SEC16B: variants seen among roughly 807,000 people sequenced by gnomAD.
The protein encoded by SEC16B is protein transport protein Sec16B.
A neutral mutation model predicts 141.8 loss-of-function variants in SEC16B; 115 were observed. That is an observed-to-expected ratio of 0.81 (90% confidence interval 0.70 to 0.95). SEC16B has a LOEUF of 0.95. Ranked by LOEUF, SEC16B falls within the 40% of genes least tolerant of loss-of-function variation. The pLI, the probability that SEC16B is intolerant of heterozygous loss-of-function variation, is 0.00. For synonymous variants in SEC16B, 493 were observed against 492.5 expected, an observed-to-expected ratio of 1.00 and a Z score of -0.01; for missense variants, 1,291 against 1,312.3, an observed-to-expected ratio of 0.98 and a Z score of 0.25.
chr1:177,958,869 G>A lies in SEC16B; in HGVS notation c.1105C>T (p.Leu369Phe). The A allele has an allele frequency of 6.2e-7, 1 of 1,613,596 alleles. No individual in the cohort carries two copies. The highest frequency in any genetic ancestry group is 8.5e-7 in the Non-Finnish European group (1 of 1,179,724). ...GSRDSALLWQ[L>F]LVLLCRQNGS... The stretch of plus-strand genomic sequence containing the variant: ...TTCTGGCGACAAAGGAGAACCAAGA[G>A]CTGCCACAGTAGAGCTGAGTCTCTG... Residue 369 changes from leucine to phenylalanine, a missense_variant, in exon 9 of 26, where the codon CTC becomes TTC. Leu to Phe is a conservative substitution (Grantham distance 22). Coordinates refer to ENST00000308284, the MANE Select transcript of SEC16B (RefSeq NM_033127.4).
chr1:177,955,666 C>T (rs1652544785), intron 10 of SEC16B, among the ~76,000 whole-genome samples: 1 of 152,168 alleles, frequency 6.6e-6, no homozygotes, highest in Admixed American at 6.5e-5. Flanking sequence ...AGATTGGCAC[C>T]TATCAAAGAG....
At chr1:177,950,775 G>C (rs1652125405) in intron 12 of SEC16B, among the ~76,000 whole-genome samples, 1 of 151,142 alleles carries the variant, frequency 6.6e-6, no homozygotes, top group African/African-American at 2.4e-5. Flanking sequence ...AAAAGTAGGG[G>C]GAAATTGAAG....
chr1:177,935,740 T>G (rs1034802837), intron 20 of SEC16B, among the ~76,000 whole-genome samples: 4 of 151,580 alleles, frequency 2.6e-5, no homozygotes, highest in Non-Finnish European at 5.9e-5. Flanking sequence ...AGTTATAGGA[T>G]GTAACCCTCC....
intron 5 of SEC16B, among the ~76,000 whole-genome samples, chr1:177,962,419 C>T (rs1289735116): frequency 6.6e-6 from 1 of 151,406 alleles, no homozygotes; most frequent in Non-Finnish European, 1.5e-5. Flanking sequence ...AGGTACTGTG[C>T]TTTCCCCTTG....
In SEC16B at chr1:177,968,058, G is replaced by A; in HGVS notation, c.-58-19C>T. 5.0e-6 allele frequency: 7 copies of A among 1,404,084 alleles called. No homozygotes were observed. The highest frequency in any genetic ancestry group is 5.3e-5 in the Admixed American group (2 of 37,556). 87.0% of individuals were successfully genotyped at this position (1,404,084 alleles called of 1,614,324 possible). On this transcript the variant is annotated intron_variant, in intron 1 of 25. Coordinates refer to ENST00000308284, the MANE Select transcript of SEC16B (RefSeq NM_033127.4). ...TATCTTCCTGCAGACAAAAGAAAAAGGAAAAAATCATCACTTGAAGCCTAT... is the reference window on the plus strand; with the variant it reads ...TATCTTCCTGCAGACAAAAGAAAAAAGAAAAAATCATCACTTGAAGCCTAT...
At chr1:177,966,572 ATT>A (rs147989047) in intron 2 of SEC16B, among the ~76,000 whole-genome samples, 63,730 of 150,408 alleles carry the variant, frequency 0.42, 13,608 homozygotes, top group Non-Finnish European at 0.46. Flanking sequence ...TCAATTAATA[ATT>A]TTTTTTTTTG....
upstream of SEC16B, among the ~76,000 whole-genome samples, chr1:177,971,098 CAAGA>C (rs1213814829): frequency 4.7e-5 from 6 of 128,214 alleles, no homozygotes; most frequent in Non-Finnish European, 8.0e-5. Flanking sequence ...TTTTTTTTTC[CAAGA>C]CAGAGTCTTT....
rs562382547 is a variant in SEC16B, at chr1:177,944,590, G to A, written c.1852C>T (p.Arg618Cys). The A allele has an allele frequency of 5.1e-5, 83 of 1,613,728 alleles. No individual in the cohort carries two copies. The highest frequency in any genetic ancestry group is 5.0e-4 in the Middle Eastern group (3 of 6,060). Residue 618 changes from arginine to cysteine, a missense_variant, in exon 15 of 26, where the codon CGC (arginine) becomes TGC (cysteine). Arg to Cys is a radical substitution (Grantham distance 180). Transcript: ENST00000308284. ...EIFEYCQMLG[R>C]PKSFIPSFQV... ...AAAGAAGGGATGAAGGATTTGGGGC[G>A]GCCCAGCATCTGACAGTACTCGAAG...
At chr1:177,959,826 C>A (rs16828592) in intron 8 of SEC16B, 18,857 of 155,050 alleles carry the variant, frequency 0.12, 1,337 homozygotes, top group Non-Finnish European at 0.15. Context: ...CTCTCCTCAA[C>A]AAAGATGCCC....
At chr1:177,955,008 T>C (rs1333366905) in intron 10 of SEC16B, among the ~76,000 whole-genome samples, 1 of 152,096 alleles carries the variant, frequency 6.6e-6, no homozygotes, top group African/African-American at 2.4e-5. Context: ...TTTCTAAATA[T>C]GACCCCCAGA....
Position 177,958,689 on chromosome 1 carries a change from C to T in SEC16B, c.1134+151G>A, listed in dbSNP as rs564659933. ...CAGGGAAGATCTGCGTTAGCAAACT[C>T]GCATTGACATTTGAGCAATTTTTTC... is the stretch of plus-strand genomic sequence containing the variant. On this transcript the variant is annotated intron_variant, in intron 9 of 25. Transcript: ENST00000308284. 67 of 953,786 alleles carry T rather than the reference C, an allele frequency of 7.0e-5. No individual in the cohort carries two copies. The South Asian group carries it at 1.1e-3, about 16-fold the overall frequency. 59.1% of individuals were successfully genotyped at this position (953,786 alleles called of 1,614,324 possible).
Position 177,933,261 on chromosome 1 carries a change from C to T in SEC16B, c.2776G>A (p.Ala926Thr), listed in dbSNP as rs1311376621. 5.0e-6 allele frequency: 8 copies of T among 1,599,282 alleles called. No individual in the cohort carries two copies. Among genetic ancestry groups the T allele is most frequent in the East Asian group, 2.3e-5 (1 of 44,248 alleles). ...SWFRSKPTKN[A>T]SPAGDEDSSD... is the part of the protein sequence containing the mutation. ...GAGTCCTCGTCTCCAGCGGGGGATG[C>T]GTTCTTGGTGGGCTTCGATCGAAAC... The change falls in exon 22 of 26, where the codon GCA becomes ACA. Residue 926 changes from alanine to threonine, a missense_variant. By Grantham distance (58) the Ala-to-Thr change is moderately conservative. This residue lies in a region of SEC16B where 605 missense variants were observed against 614.1 expected (regional missense o/e 0.99). Transcript: ENST00000308284.
At chr1:177,945,994 G>C (rs906599247) in intron 14 of SEC16B, 2 of 318,608 alleles carry the variant, frequency 6.3e-6, no homozygotes, top group South Asian at 6.5e-5. Context: ...GCCCCAAAGA[G>C]GGACTAAACA....
At chr1:177,971,283 T>C (rs1452768937), upstream of SEC16B, 1 of 152,188 alleles carries the variant, frequency 6.6e-6, no homozygotes, top group African/African-American at 2.4e-5. Context: ...GGTTTCATCA[T>C]GTTGGCCAGG....
rs1181699088 is a variant in SEC16B, at chr1:177,946,540, G to A, written c.1664-9C>T. 1 of 1,560,454 alleles carries A rather than the reference G, an allele frequency of 6.4e-7. No individual in the cohort carries two copies. Among genetic ancestry groups the A allele is most frequent in the Non-Finnish European group, 8.7e-7 (1 of 1,152,054 alleles). ...CACAAGCCCCTTCCCAGCTGCGGGAGGAAGAGAACAAGACCCAATCACGGA... is the reference window on the plus strand; with the variant it reads ...CACAAGCCCCTTCCCAGCTGCGGGAAGAAGAGAACAAGACCCAATCACGGA... On this transcript the variant is annotated splice_polypyrimidine_tract_variant and intron_variant, in intron 13 of 25. Transcript: ENST00000308284.
intron 19 of SEC16B, among the ~76,000 whole-genome samples, chr1:177,936,610 T>A (rs780281708): frequency 2.0e-5 from 3 of 152,134 alleles, no homozygotes; most frequent in East Asian, 3.9e-4. Flanking sequence ...ATCTTGGAAA[T>A]CAGAGCAACA....
chr1:177,950,367 A>G (rs1652077215), intron 12 of SEC16B, among the ~76,000 whole-genome samples: 1 of 152,158 alleles, frequency 6.6e-6, no homozygotes, highest in African/African-American at 2.4e-5. Context: ...TCAGGCTCAC[A>G]TGGAAAACTG....
chr1:177,971,782 G>A (rs2102016256), upstream of SEC16B, among the ~76,000 whole-genome samples: 1 of 152,330 alleles, frequency 6.6e-6, no homozygotes, highest in African/African-American at 2.4e-5. Flanking sequence ...AAATTACACT[G>A]GTGTGCTCTA....
chr1:177,962,636 C>T (rs1261772369), intron 5 of SEC16B, among the ~76,000 whole-genome samples: 3 of 151,984 alleles, frequency 2.0e-5, no homozygotes, highest in Non-Finnish European at 1.5e-5. Context: ...GCCCCAGCTA[C>T]TTGGGAGGCT....
Sources: allele counts gnomAD v4.1 joint callset (sites outside exome capture counted in the v4.1 genomes callset), GRCh38; gene constraint gnomAD v4.1.1; regional missense constraint gnomAD v4.1.1; transcripts MANE v1.5; gene names NCBI Gene and HGNC (gene_info 2026-07-23, HGNC 2026-07-21).